FAM83B: variants seen among roughly 807,000 people sequenced by gnomAD.
FAM83B encodes protein FAM83B.
Under a neutral mutation model 38.8 loss-of-function variants are expected in FAM83B, and 26 were observed. The observed-to-expected ratio is 0.67, with a 90% CI of 0.49 to 0.93. The LOEUF is 0.93. Among genes scored for constraint, FAM83B ranks in the 40% least tolerant of loss-of-function variants. The pLI is 0.00. For missense variants in FAM83B, 1,237 were observed against 1,197.3 expected (o/e 1.03, Z -0.49); for synonymous variants, 419 against 423.1 (o/e 0.99, Z 0.12).
In FAM83B at chr6:54,876,385, A is replaced by G. The variant is rs1209616283; in HGVS notation, c.444+5695A>G. 2.1e-5 allele frequency among the ~76,000 whole-genome samples: 3 copies of G among 141,736 alleles called. No homozygotes were observed. The Admixed American group carries it at 2.2e-4, about 10-fold the overall frequency. 93.0% of individuals were successfully genotyped at this position (141,736 alleles called of 152,430 possible). A position where few individuals can be genotyped will look rare whatever the true frequency, so the allele number is the denominator to read the frequency against. On this transcript the variant is annotated intron_variant, in intron 2 of 4. Transcript: ENST00000306858. ...TTTGCCCAGGCTGGAGTGAAATGTC[A>G]CAATCTCGGCTCACTGCAACCTCTG...
At chr6:54,888,638 G>C (rs201220626) in intron 2 of FAM83B, among the ~76,000 whole-genome samples, 1 of 151,666 alleles carries the variant, frequency 6.6e-6, no homozygotes, top group East Asian at 1.9e-4. Context: ...CTGATTTAAA[G>C]GTATATATTT....
intron 2 of FAM83B, among the ~76,000 whole-genome samples, chr6:54,902,601 AT>A (rs962123384): frequency 3.3e-5 from 5 of 151,922 alleles, no homozygotes; most frequent in African/African-American, 1.2e-4. Context: ...TGTTTTTGAC[AT>A]TTTTCTACAT....
intron 2 of FAM83B, among the ~76,000 whole-genome samples, chr6:54,884,727 T>C (rs2127578788): frequency 6.6e-6 from 1 of 152,090 alleles, no homozygotes; most frequent in African/African-American, 2.4e-5. Flanking sequence ...AACCACAGTG[T>C]CTTGGTTATT....
intron 2 of FAM83B, among the ~76,000 whole-genome samples, chr6:54,883,786 G>C (rs1156590159): frequency 6.6e-6 from 1 of 151,382 alleles, no homozygotes; most frequent in Non-Finnish European, 1.5e-5. Context: ...GGATTAACAG[G>C]AGTTCTTAAT....
At position 54,931,111 on chromosome 6, in the gene FAM83B, A is replaced by G. The variant is rs150141555; in HGVS notation, c.734+3479A>G. ...TTTCCACATATCTGTGAACTTTCCA[A>G]TTTTCCTTGTACCATTGATTTCTAG... On this transcript the variant is annotated intron_variant, in intron 4 of 4. Transcript: ENST00000306858. Among the ~76,000 whole-genome samples the G allele has an allele frequency of 1.5e-3, 224 of 152,170 alleles. 3 individuals are homozygous for G. Among genetic ancestry groups the G allele is most frequent in the African/African-American group, 5.2e-3 (214 of 41,526 alleles).
intron 2 of FAM83B, among the ~76,000 whole-genome samples, chr6:54,895,773 C>G (rs1348371192): frequency 6.6e-6 from 1 of 152,002 alleles, no homozygotes; most frequent in African/African-American, 2.4e-5. Flanking sequence ...TGGCGTCTCG[C>G]TCTGTTACCC....
rs937424448 is a variant in FAM83B, at chr6:54,862,902, C to A, written c.-60-7285C>A. Among the ~76,000 whole-genome samples, 3 of 151,576 alleles carry A rather than the reference C, an allele frequency of 2.0e-5. No homozygotes were observed. The East Asian group carries it at 5.8e-4, about 29-fold the overall frequency. On this transcript the variant is annotated intron_variant, in intron 1 of 4. Coordinates refer to ENST00000306858, the MANE Select transcript of FAM83B (RefSeq NM_001010872.3). ...CCAAAAAAACCACGAAAAAAAAAATCCACCTGTCATCTTGTTTTCATTAAT... is the reference window on the plus strand; with the variant it reads ...CCAAAAAAACCACGAAAAAAAAAATACACCTGTCATCTTGTTTTCATTAAT...
intron 2 of FAM83B, among the ~76,000 whole-genome samples, chr6:54,887,742 A>G (rs958011059): frequency 6.6e-6 from 1 of 151,890 alleles, no homozygotes. Context: ...TAAAATTAGT[A>G]TTTTATATGT....
chr6:54,871,479 G>T (rs1169003245), intron 2 of FAM83B, among the ~76,000 whole-genome samples: 1 of 151,194 alleles, frequency 6.6e-6, no homozygotes, highest in Non-Finnish European at 1.5e-5. Flanking sequence ...AGCACTCTGG[G>T]AGGCTGAAGC....
chr6:54,886,346 T>A (rs1328344325), intron 2 of FAM83B, among the ~76,000 whole-genome samples: 1 of 152,108 alleles, frequency 6.6e-6, no homozygotes, highest in Non-Finnish European at 1.5e-5. Context: ...TGGAAGAGTT[T>A]GTATAAGATT....
intron 3 of FAM83B, 42 bp from the exon 4 acceptor site, chr6:54,927,466 T>C (rs748016584): frequency 6.9e-7 from 1 of 1,458,388 alleles, no homozygotes; most frequent in South Asian, 1.7e-5. Context: ...AATATTCTTT[T>C]CCTAGCCATA....
intron 2 of FAM83B, among the ~76,000 whole-genome samples, chr6:54,896,179 C>T (rs1034099674): frequency 6.6e-6 from 1 of 151,622 alleles, no homozygotes; most frequent in South Asian, 2.1e-4. Flanking sequence ...TGTGAGCCAC[C>T]GTGCCTGGCA....
intron 4 of FAM83B, among the ~76,000 whole-genome samples, chr6:54,933,104 C>T (rs1316534498): frequency 1.3e-5 from 2 of 151,400 alleles, no homozygotes; most frequent in African/African-American, 4.9e-5. Context: ...CTTGGTAGTT[C>T]TATAAATTCT....
At chr6:54,915,242 T>G (rs1347877212) in intron 2 of FAM83B, among the ~76,000 whole-genome samples, 1 of 152,212 alleles carries the variant, frequency 6.6e-6, no homozygotes, top group Non-Finnish European at 1.5e-5. Flanking sequence ...CTGATGGCTT[T>G]CTTTATACAC....
intron 2 of FAM83B, among the ~76,000 whole-genome samples, chr6:54,873,691 T>G (rs1771919688): frequency 1.7e-5 from 1 of 57,378 alleles, no homozygotes; most frequent in Non-Finnish European, 3.8e-5. Context: ...ATGGATAAAG[T>G]TTTTTTTTTT....
Position 54,939,995 on chromosome 6 carries a change from A to T in FAM83B, c.1024A>T (p.Ile342Leu). ...LDSSYFKNRG[I>L]YTLNEHDKYN... ...TTCCAGTTACTTCAAAAACAGAGGGATATATACTTTAAATGAACATGACAA... is the reference window on the plus strand; with the variant it reads ...TTCCAGTTACTTCAAAAACAGAGGGTTATATACTTTAAATGAACATGACAA... The change falls in exon 5 of 5, where the codon ATA (isoleucine) becomes TTA (leucine). Residue 342 changes from isoleucine (I) to leucine (L), a missense_variant. Ile to Leu is a conservative substitution (Grantham distance 5). Transcript: ENST00000306858. The T allele has an allele frequency of 1.2e-6, 2 of 1,614,014 alleles. No individual in the cohort carries two copies. Among genetic ancestry groups the T allele is most frequent in the Non-Finnish European group, 1.7e-6 (2 of 1,179,954 alleles).
Position 54,939,970 on chromosome 6 carries a change from T to G in FAM83B, c.999T>G (p.Asp333Glu). The G allele has an allele frequency of 4.3e-6, 7 of 1,614,038 alleles. No homozygotes were observed. The highest frequency in any genetic ancestry group is 5.9e-6 in the Non-Finnish European group (7 of 1,179,984). ...GACAAGACAAGATTCATAAACTAGATTCCAGTTACTTCAAAAACAGAGGGA... is the reference window on the plus strand; with the variant it reads ...GACAAGACAAGATTCATAAACTAGAGTCCAGTTACTTCAAAAACAGAGGGA... ...FGRQDKIHKL[D>E]SSYFKNRGIY... The change falls in exon 5 of 5, where the codon GAT (aspartate) becomes GAG (glutamate). Residue 333 changes from aspartate to glutamate, a missense_variant. Coordinates refer to ENST00000306858, the MANE Select transcript of FAM83B (RefSeq NM_001010872.3).
At chr6:54,938,961 T>G (rs1375421020) in intron 4 of FAM83B, among the ~76,000 whole-genome samples, 4 of 152,110 alleles carry the variant, frequency 2.6e-5, no homozygotes, top group Non-Finnish European at 4.4e-5. Flanking sequence ...AGAGTTTTTA[T>G]TATGTTATCA....
In FAM83B at chr6:54,859,177, G is replaced by T. The variant is rs1017821507; in HGVS notation, c.-60-11010G>T. ...CCGGGTTCAAGCGATTCTCCCTGCC[G>T]CAGCCTCCTGAGTAGCTGGGATTAC... On this transcript the variant is annotated intron_variant, in intron 1 of 4. Coordinates refer to ENST00000306858, the MANE Select transcript of FAM83B (RefSeq NM_001010872.3). Among the ~76,000 whole-genome samples the T allele has an allele frequency of 3.3e-5, 5 of 151,620 alleles. No homozygotes were observed. In the East Asian group the frequency reaches 9.8e-4, roughly 30 times the overall value.
Sources: gnomAD v4.1 joint callset for allele counts (sites outside exome capture counted in the v4.1 genomes callset) on GRCh38, gnomAD v4.1.1 for gene constraint, MANE v1.5 for transcripts, NCBI Gene and HGNC (gene_info 2026-07-23, HGNC 2026-07-21) for gene names.